The following NAA11 variants were observed in gnomAD, a reference collection of about 807,000 sequenced individuals.
NAA11 encodes N-alpha-acetyltransferase 11, NatA catalytic subunit.
NAA11 carries 15 observed loss-of-function variants against 16.1 expected under a neutral mutation model. The ratio of observed to expected loss-of-function variants is 0.93; its 90% CI spans 0.62 to 1.44. The LOEUF is 1.44. NAA11 is among the 40% of genes most tolerant of loss of function. The probability of loss-of-function intolerance (pLI) is 0.00; values close to 1 mark genes in which losing one functional copy is unlikely to be tolerated. For missense variants in NAA11, 298 were observed against 291.3 expected, an observed-to-expected ratio of 1.02 and a Z score of -0.17; for synonymous variants, 122 against 112.4, an observed-to-expected ratio of 1.09 and a Z score of -0.54.
At chr4:79,163,016 A>C in the NAA11 span, among the ~76,000 whole-genome samples, 1 of 152,254 alleles carries the variant, frequency 6.6e-6, no homozygotes, top group Non-Finnish European at 1.5e-5. Flanking sequence ...AGAGAAATTT[A>C]AACATTATTT....
chr4:79,156,872 C>G, the NAA11 span, among the ~76,000 whole-genome samples: 2 of 152,136 alleles, frequency 1.3e-5, no homozygotes, highest in Non-Finnish European at 2.9e-5. Flanking sequence ...TTTTTCACAA[C>G]TGTGGTAATG....
the NAA11 span, among the ~76,000 whole-genome samples, chr4:79,199,703 C>T: frequency 4.6e-5 from 7 of 151,832 alleles, no homozygotes; most frequent in Non-Finnish European, 1.0e-4. Flanking sequence ...AAAGGGAGAG[C>T]TTTGTGGCTG....
chr4:79,275,421 C>T (rs1283705806), intron 2 of NAA11, among the ~76,000 whole-genome samples: 2 of 152,124 alleles, frequency 1.3e-5, no homozygotes, highest in Middle Eastern at 3.4e-3. Context: ...AAAATTGAGG[C>T]AGATTTTTTC....
At chr4:79,306,165 T>G (rs1001209030) in intron 1 of NAA11, among the ~76,000 whole-genome samples, 2 of 152,220 alleles carry the variant, frequency 1.3e-5, no homozygotes, top group East Asian at 3.8e-4. Context: ...ATGACTTAAC[T>G]TTGGGCCTTT....
At chr4:79,308,808 C>A (rs924750733) in intron 1 of NAA11, 1 of 151,956 alleles carries the variant, frequency 6.6e-6, no homozygotes, top group Non-Finnish European at 1.5e-5. Flanking sequence ...TCCTTATGAT[C>A]TCATGATTGA....
At chr4:79,273,577 A>G (rs1203793353) in intron 2 of NAA11, among the ~76,000 whole-genome samples, 2 of 151,968 alleles carry the variant, frequency 1.3e-5, no homozygotes, top group Non-Finnish European at 2.9e-5. Context: ...AATATCTATA[A>G]TGTGTTTTAA....
At chr4:79,173,780 G>A in the NAA11 span, among the ~76,000 whole-genome samples, 1 of 152,100 alleles carries the variant, frequency 6.6e-6, no homozygotes, top group Non-Finnish European at 1.5e-5. Flanking sequence ...CTAATGAGAA[G>A]ACAATGTTAG....
intron 1 of NAA11, among the ~76,000 whole-genome samples, chr4:79,324,300 A>C (rs1268174682): frequency 2.0e-5 from 3 of 152,210 alleles, no homozygotes; most frequent in African/African-American, 7.2e-5. Context: ...TAGCTCCTCT[A>C]ATAAAATTAT....
chr4:79,185,740 G>A, the NAA11 span, among the ~76,000 whole-genome samples: 3 of 152,048 alleles, frequency 2.0e-5, no homozygotes, highest in Non-Finnish European at 2.9e-5. Flanking sequence ...AATTAGCTTT[G>A]AGTTATTCCA....
At chr4:79,173,392 C>T in the NAA11 span, among the ~76,000 whole-genome samples, 1 of 152,150 alleles carries the variant, frequency 6.6e-6, no homozygotes, top group Non-Finnish European at 1.5e-5. Flanking sequence ...GAAAAACACA[C>T]AGGAGGTATA....
chr4:79,188,289 TAA>T, the NAA11 span, among the ~76,000 whole-genome samples: 3 of 151,916 alleles, frequency 2.0e-5, no homozygotes, highest in Admixed American at 2.0e-4. Flanking sequence ...AATAAAAACA[TAA>T]AGAGAAACTT....
At chr4:79,303,074 T>TATA (rs1560462860) in intron 1 of NAA11, among the ~76,000 whole-genome samples, 1 of 72,282 alleles carries the variant, frequency 1.4e-5, no homozygotes, top group Non-Finnish European at 2.6e-5. Context: ...TCTTGAGGCC[T>TATA]TTTATATATA....
At chr4:79,179,805 T>C in the NAA11 span, among the ~76,000 whole-genome samples, 2 of 152,212 alleles carry the variant, frequency 1.3e-5, no homozygotes, top group Non-Finnish European at 2.9e-5. Context: ...TATAAAGAAT[T>C]GCTTCAGACT....
chr4:79,189,145 C>CAAAAAAAAAAAAAAAAAAA, the NAA11 span, among the ~76,000 whole-genome samples: 713 of 42,224 alleles, frequency 0.017, 211 homozygotes, highest in Middle Eastern at 0.028. Context: ...GACTCCATCT[C>CAAAAAAAAAAAAAAAAAAA]AAAAAAAAAA....
At chr4:79,310,799 T>G (rs913077111) in intron 1 of NAA11, among the ~76,000 whole-genome samples, 1 of 152,226 alleles carries the variant, frequency 6.6e-6, no homozygotes, top group Admixed American at 6.5e-5. Flanking sequence ...TATTACCAGC[T>G]ATAATGTAGG....
the NAA11 span, among the ~76,000 whole-genome samples, chr4:79,194,062 A>C: frequency 6.6e-6 from 1 of 152,132 alleles, no homozygotes; most frequent in Non-Finnish European, 1.5e-5. Flanking sequence ...TGATTTTTGC[A>C]CATTGATTTT....
chr4:79,156,312 G>GAT, the NAA11 span, among the ~76,000 whole-genome samples: 1 of 59,820 alleles, frequency 1.7e-5, no homozygotes, highest in East Asian at 4.7e-4. Flanking sequence ...AATGGGATGT[G>GAT]ATGTGTGTGT....
At chr4:79,179,211 G>C in the NAA11 span, among the ~76,000 whole-genome samples, 1 of 152,110 alleles carries the variant, frequency 6.6e-6, no homozygotes, top group South Asian at 2.1e-4. Context: ...GTTTTGTTTT[G>C]TTTTGTTTTT....
chr4:79,309,422 A>G (rs1479773578), intron 1 of NAA11, among the ~76,000 whole-genome samples: 1 of 152,170 alleles, frequency 6.6e-6, no homozygotes, highest in Non-Finnish European at 1.5e-5. Flanking sequence ...CTGGATTTGC[A>G]ATGCTCAGGA....
Sources: gnomAD v4.1 joint callset for allele counts (sites outside exome capture counted in the v4.1 genomes callset) on GRCh38, gnomAD v4.1.1 for gene constraint, MANE v1.5 for transcripts, NCBI Gene and HGNC (gene_info 2026-07-23, HGNC 2026-07-21) for gene names.